Variants in MAP2 observed in about 807,000 individuals in gnomAD.
MAP2 encodes the protein microtubule associated protein 2, also known as microtubule-associated protein 2.
In MAP2, 14 loss-of-function variants were observed where a neutral mutation model predicts 137.6. The observed-to-expected ratio is 0.10, with a 90% confidence interval of 0.07 to 0.16. The LOEUF is 0.16. Ranked by LOEUF, MAP2 falls within the 10% of genes least tolerant of loss-of-function variation. The probability of loss-of-function intolerance (pLI) is 1.00; values close to 1 mark genes in which losing one functional copy is unlikely to be tolerated. For synonymous variants in MAP2, 786 were observed against 782.3 expected, an observed-to-expected ratio of 1.00 and a Z score of -0.08; for missense variants, 2,088 against 2,191.5, an observed-to-expected ratio of 0.95 and a Z score of 0.94.
At chr2:209,594,123 C>T (rs1390256022) in intron 3 of MAP2, among the ~76,000 whole-genome samples, 3 of 105,484 alleles carry the variant, frequency 2.8e-5, no homozygotes, top group African/African-American at 1.1e-4. Flanking sequence ...ACTCCGGCCT[C>T]GGTAACAGAT....
chr2:209,646,095 G>A (rs1178865803), intron 4 of MAP2, among the ~76,000 whole-genome samples: 1 of 152,154 alleles, frequency 6.6e-6, no homozygotes, highest in African/African-American at 2.4e-5. Context: ...TGCTTGAGAG[G>A]CTGAGCGGGG....
At position 209,694,624 on chromosome 2, in the gene MAP2, A is replaced by G; in HGVS notation, c.2454A>G (p.Arg818=). ...EMLDLAGTRS[R]LASVSADAEV... is the part of the protein sequence containing the mutation. ...TAGATCTGGCAGGCACAAGGTCAAG[A>G]TTGGCTTCTGTGAGTGCAGATGCTG... The change falls in exon 8 of 16, where the codon AGA becomes AGG. Residue 818 remains arginine, a synonymous_variant. Coordinates refer to ENST00000682079, the MANE Select transcript of MAP2 (RefSeq NM_001375505.1). The G allele has an allele frequency of 6.2e-7, 1 of 1,614,130 alleles. No homozygotes were observed. The highest frequency in any genetic ancestry group is 1.1e-5 in the South Asian group (1 of 91,082).
At chr2:209,520,662 C>T (rs376463865) in intron 2 of MAP2, among the ~76,000 whole-genome samples, 8 of 151,980 alleles carry the variant, frequency 5.3e-5, no homozygotes, top group African/African-American at 1.4e-4. Context: ...TTCTTCAGGC[C>T]GCTTAAGACC....
chr2:209,474,502 A>G (rs1706659696), intron 1 of MAP2, among the ~76,000 whole-genome samples: 2 of 152,148 alleles, frequency 1.3e-5, no homozygotes, highest in Admixed American at 1.3e-4. Flanking sequence ...TCTGACAAAT[A>G]GTATTCCATT....
chr2:209,571,911 C>T (rs538463645), intron 2 of MAP2, among the ~76,000 whole-genome samples: 1 of 151,634 alleles, frequency 6.6e-6, no homozygotes, highest in Non-Finnish European at 1.5e-5. Context: ...ATTGGCTTTA[C>T]CTTGATAAGT....
chr2:209,519,781 A>AGT (rs1209981857), intron 2 of MAP2, among the ~76,000 whole-genome samples: 1 of 150,648 alleles, frequency 6.6e-6, no homozygotes, highest in Non-Finnish European at 1.5e-5. Flanking sequence ...GGGTTACCTG[A>AGT]GTATATTGTC....
At position 209,482,875 on chromosome 2, in the gene MAP2, ACT is replaced by A. The variant is rs367613900; in HGVS notation, c.-221-24712_-221-24711del. ...ACATGATAGTGGTCTGTTTAAATGA[ACT>A]CTCTGCATTTTACAGAATCATTGTC... On this transcript the variant is annotated intron_variant, in intron 1 of 15. Transcript: ENST00000682079. Among the ~76,000 whole-genome samples, 21 of 152,308 alleles carry A rather than the reference ACT, an allele frequency of 1.4e-4. No homozygotes were observed. The South Asian group carries it at 1.9e-3, about 14-fold the overall frequency.
intron 1 of MAP2, among the ~76,000 whole-genome samples, chr2:209,455,242 C>T (rs914641373): frequency 1.3e-5 from 2 of 152,126 alleles, no homozygotes; most frequent in Admixed American, 1.3e-4. Flanking sequence ...CCATTATCAA[C>T]CTTACTTTAC....
intron 2 of MAP2, among the ~76,000 whole-genome samples, chr2:209,520,751 A>G (rs770100506): frequency 3.9e-5 from 6 of 151,988 alleles, no homozygotes; most frequent in Non-Finnish European, 5.9e-5. Context: ...TGGTTGTTTC[A>G]TAGGATATTT....
Position 209,594,020 on chromosome 2 carries a change from C to T in MAP2, c.-107+13920C>T, listed in dbSNP as rs139314446. Among the ~76,000 whole-genome samples the T allele has an allele frequency of 3.2e-3, 452 of 140,898 alleles. 16 individuals are homozygous for T. In the East Asian group the frequency reaches 0.068, roughly 21 times the overall value. The allele number at this position is 140,898 out of a possible 152,430, so 92.4% of individuals were successfully genotyped here. On this transcript the variant is annotated intron_variant, in intron 3 of 15. Transcript: ENST00000682079. The stretch of plus-strand genomic sequence containing the variant: ...CAAATTAGCTGGATATGGTGGCTTT[C>T]GCCTGTAGTCCCAGCCACTTGACAG...
Position 209,694,389 on chromosome 2 carries a change from A to G in MAP2, c.2219A>G (p.Asp740Gly). The G allele has an allele frequency of 6.2e-7, 1 of 1,614,094 alleles. No individual in the cohort carries two copies. Among genetic ancestry groups the G allele is most frequent in the African/African-American group, 1.3e-5 (1 of 75,030 alleles). ...DILTNTSGSM[D>G]EGDDYLPATT... ...CTAACCAACACTAGTGGAAGTATGG[A>G]TGAAGGGGATGATTACCTTCCAGCC... The change falls in exon 8 of 16, where the codon GAT becomes GGT. Residue 740 changes from aspartate (D) to glycine (G), a missense_variant. This residue lies in a region of MAP2 where 500 missense variants were observed against 482.9 expected (regional missense o/e 1.04). Coordinates refer to ENST00000682079, the MANE Select transcript of MAP2 (RefSeq NM_001375505.1).
chr2:209,727,320 C>T (rs2074423772), intron 14 of MAP2, among the ~76,000 whole-genome samples: 2 of 152,192 alleles, frequency 1.3e-5, no homozygotes, highest in African/African-American at 4.8e-5. Flanking sequence ...AACAGCATGG[C>T]TGGAATACTT....
chr2:209,593,243 C>T (rs1468730175), intron 3 of MAP2, among the ~76,000 whole-genome samples: 1 of 151,796 alleles, frequency 6.6e-6, no homozygotes, highest in African/African-American at 2.4e-5. Context: ...CCTGAATCAC[C>T]TCTATTTCCT....
At chr2:209,526,672 T>C (rs934413780) in intron 2 of MAP2, among the ~76,000 whole-genome samples, 1 of 148,634 alleles carries the variant, frequency 6.7e-6, no homozygotes, top group African/African-American at 2.5e-5. Context: ...CTAGATTATC[T>C]TCATACTAGA....
intron 3 of MAP2, among the ~76,000 whole-genome samples, chr2:209,599,609 A>G (rs1043532420): frequency 5.3e-5 from 8 of 152,184 alleles, no homozygotes; most frequent in African/African-American, 1.7e-4. Context: ...TTTTATTATA[A>G]TAGCTGCCTG....
chr2:209,472,686 G>GA (rs1256048153), intron 1 of MAP2, among the ~76,000 whole-genome samples: 115 of 150,684 alleles, frequency 7.6e-4, no homozygotes, highest in Non-Finnish European at 1.5e-4. Context: ...GAGGGAGGAG[G>GA]AAAAAAAACA....
intron 11 of MAP2, among the ~76,000 whole-genome samples, chr2:209,701,072 T>A (rs1173935041): frequency 1.3e-5 from 2 of 152,122 alleles, no homozygotes; most frequent in Non-Finnish European, 2.9e-5. Context: ...GTTTGTATGC[T>A]ATTTCCTTCA....
At chr2:209,729,346 T>G (rs1201451806) in intron 14 of MAP2, among the ~76,000 whole-genome samples, 1 of 152,208 alleles carries the variant, frequency 6.6e-6, no homozygotes, top group Non-Finnish European at 1.5e-5. Flanking sequence ...AAGCTTTCAA[T>G]GTTGAACATT....
intron 1 of MAP2, among the ~76,000 whole-genome samples, chr2:209,447,948 C>T (rs148877073): frequency 3.2e-4 from 49 of 152,198 alleles, no homozygotes; most frequent in African/African-American, 1.2e-3. Flanking sequence ...GGTCCCTGGA[C>T]TAAGAGTATC....
Sources: gnomAD v4.1 joint callset for allele counts (sites outside exome capture counted in the v4.1 genomes callset) on GRCh38, gnomAD v4.1.1 for gene constraint, gnomAD v4.1.1 regional missense constraint, MANE v1.5 for transcripts, NCBI Gene and HGNC (gene_info 2026-07-23, HGNC 2026-07-21) for gene names.